The following NIM1K variants were observed in gnomAD, a reference collection of about 807,000 sequenced individuals.
NIM1K encodes the protein NIM1 serine/threonine protein kinase.
Under a neutral mutation model 37.1 loss-of-function variants are expected in NIM1K, and 35 were observed. The observed-to-expected ratio is 0.94, with a 90% CI of 0.72 to 1.25. The LOEUF (loss-of-function observed/expected upper bound fraction) is 1.25, where lower values mean the gene tolerates loss of function less well. Among genes scored for constraint, NIM1K ranks in the 50% most tolerant of loss-of-function variants. The probability of loss-of-function intolerance (pLI) is 0.00; values close to 1 mark genes in which losing one functional copy is unlikely to be tolerated. For missense variants in NIM1K, 564 were observed against 548.0 expected, an observed-to-expected ratio of 1.03 and a Z score of -0.29; for synonymous variants, 234 against 206.6, an observed-to-expected ratio of 1.13 and a Z score of -1.14.
At chr5:43,213,996 T>G (rs1311725598) in intron 1 of NIM1K, among the ~76,000 whole-genome samples, 4 of 149,848 alleles carry the variant, frequency 2.7e-5, no homozygotes, top group Non-Finnish European at 5.9e-5. Context: ...TTTTTTTTTT[T>G]GTCTTACCTT....
At chr5:43,232,666 A>G in intron 1 of NIM1K, 1 of 1,533,134 alleles carries the variant, frequency 6.5e-7, no homozygotes. Context: ...GTAAATGGAG[A>G]ACTGCAGCTT....
rs112744888 is a variant in NIM1K at position 43,279,829 on chromosome 5, G to A, written c.562-151G>A. On this transcript the variant is annotated intron_variant, in intron 3 of 3. Transcript: ENST00000326035. ...GTGTAGGCATTACATTGGGCTAAAG[G>A]TTATGACAGGGTTTGCTATCATGAC... 3.7e-5 allele frequency: 25 copies of A among 672,778 alleles called. 1 individual carries two copies. The highest frequency in any genetic ancestry group is 2.0e-4 in the African/African-American group (11 of 55,084). 41.7% of individuals were successfully genotyped at this position (672,778 alleles called of 1,614,324 possible). A position where few individuals can be genotyped will look rare whatever the true frequency, so the allele number is the denominator to read the frequency against.
intron 1 of NIM1K, chr5:43,232,707 T>C: frequency 7.0e-7 from 1 of 1,431,302 alleles, no homozygotes; most frequent in Non-Finnish European, 9.6e-7. Flanking sequence ...CCGGGAGTTG[T>C]TCCATGAGCG....
chr5:43,252,733 C>A (rs757973644), intron 2 of NIM1K, among the ~76,000 whole-genome samples: 1 of 152,268 alleles, frequency 6.6e-6, no homozygotes, highest in South Asian at 2.1e-4. Context: ...TGACAGTCAT[C>A]ATGAGCCCCC....
intron 1 of NIM1K, among the ~76,000 whole-genome samples, chr5:43,199,212 T>A (rs1189630615): frequency 0.77 from 46,396 of 60,606 alleles, 17,109 homozygotes; most frequent in East Asian, 0.8. Context: ...AAAATATATA[T>A]ATATATATAT....
chr5:43,205,954 C>T (rs191482779), intron 1 of NIM1K, among the ~76,000 whole-genome samples: 3 of 152,064 alleles, frequency 2.0e-5, no homozygotes, highest in Non-Finnish European at 2.9e-5. Flanking sequence ...CCTTGTGATC[C>T]GCCCGCCTCG....
At chr5:43,223,088 G>A (rs1752404283) in intron 1 of NIM1K, among the ~76,000 whole-genome samples, 3 of 144,206 alleles carry the variant, frequency 2.1e-5, no homozygotes, top group South Asian at 2.2e-4. Flanking sequence ...GCAGTGAACC[G>A]AGATCGTGCC....
At chr5:43,236,861 T>C (rs897553432) in intron 1 of NIM1K, among the ~76,000 whole-genome samples, 1 of 152,240 alleles carries the variant, frequency 6.6e-6, no homozygotes, top group Non-Finnish European at 1.5e-5. Flanking sequence ...GCAGAACTGC[T>C]GTCCTAGAAA....
chr5:43,234,662 T>C (rs1323908549), intron 1 of NIM1K, among the ~76,000 whole-genome samples: 1 of 152,168 alleles, frequency 6.6e-6, no homozygotes, highest in Non-Finnish European at 1.5e-5. Flanking sequence ...TTTGACACAG[T>C]CTTGCTCTGT....
At chr5:43,260,765 C>T (rs1241805962) in intron 2 of NIM1K, among the ~76,000 whole-genome samples, 1 of 152,116 alleles carries the variant, frequency 6.6e-6, no homozygotes, top group East Asian at 1.9e-4. Context: ...CCCCCCTTCC[C>T]CCACCCGACG....
intron 2 of NIM1K, among the ~76,000 whole-genome samples, chr5:43,252,758 G>A (rs988932846): frequency 6.6e-6 from 1 of 152,036 alleles, no homozygotes; most frequent in Non-Finnish European, 1.5e-5. Context: ...AGGCTGATTA[G>A]AAATTTCTCA....
intron 2 of NIM1K, among the ~76,000 whole-genome samples, chr5:43,267,336 C>A (rs1561093001): frequency 1.3e-5 from 2 of 152,078 alleles, no homozygotes; most frequent in African/African-American, 2.4e-5. Flanking sequence ...TGAACTTATT[C>A]AAAACTTCTC....
chr5:43,204,638 G>A (rs1480388275), intron 1 of NIM1K, among the ~76,000 whole-genome samples: 2 of 150,746 alleles, frequency 1.3e-5, no homozygotes, highest in African/African-American at 4.9e-5. Context: ...CCAGGAGGCG[G>A]AGGTTGCAGT....
intron 2 of NIM1K, among the ~76,000 whole-genome samples, chr5:43,265,083 G>C (rs774637797): frequency 4.6e-5 from 7 of 152,162 alleles, no homozygotes; most frequent in Non-Finnish European, 8.8e-5. Flanking sequence ...TGGTGAATCT[G>C]ACAATTGTGT....
At chr5:43,264,126 G>T (rs997331649) in intron 2 of NIM1K, among the ~76,000 whole-genome samples, 2 of 152,148 alleles carry the variant, frequency 1.3e-5, no homozygotes, top group Non-Finnish European at 2.9e-5. Flanking sequence ...TTCTGTAGAC[G>T]TCTGTTAGGT....
rs1752764711 is a variant in NIM1K, at chr5:43,245,601, C to G, written c.-175C>G. 3.4e-6 allele frequency: 2 copies of G among 588,764 alleles called. No homozygotes were observed. Among genetic ancestry groups the G allele is most frequent in the East Asian group, 2.8e-5 (1 of 35,226 alleles). 36.5% of individuals were successfully genotyped at this position (588,764 alleles called of 1,614,324 possible). ...CTGGGCTGGGCAGACTCAGCTACCA[C>G]GTTCACTGCCTTCCTCTCACTAAAG... On this transcript the variant is annotated 5_prime_UTR_variant, in exon 2 of 4. Transcript: ENST00000326035.
At chr5:43,259,814 T>C (rs1033034744) in intron 2 of NIM1K, among the ~76,000 whole-genome samples, 3 of 152,116 alleles carry the variant, frequency 2.0e-5, no homozygotes, top group Non-Finnish European at 2.9e-5. Context: ...TTTATTTTTG[T>C]TTTTGTTGCA....
At chr5:43,200,184 A>G (rs1020142039) in intron 1 of NIM1K, among the ~76,000 whole-genome samples, 7 of 151,168 alleles carry the variant, frequency 4.6e-5, no homozygotes, top group African/African-American at 1.7e-4. Flanking sequence ...TCCTAGTGCA[A>G]TTATTAATAG....
At chr5:43,241,412 G>T (rs1205879967) in intron 1 of NIM1K, among the ~76,000 whole-genome samples, 1 of 151,208 alleles carries the variant, frequency 6.6e-6, no homozygotes, top group African/African-American at 2.4e-5. Flanking sequence ...ACTCGGCACT[G>T]GGTTCTCGCC....
Sources: gnomAD v4.1 joint callset for allele counts (sites outside exome capture counted in the v4.1 genomes callset) on GRCh38, gnomAD v4.1.1 for gene constraint, MANE v1.5 for transcripts, NCBI Gene and HGNC (gene_info 2026-07-23, HGNC 2026-07-21) for gene names.